The following SPAG16 variants were observed in gnomAD, a reference collection of about 807,000 sequenced individuals.
SPAG16 encodes the protein sperm associated antigen 16.
A neutral mutation model predicts 80.4 loss-of-function variants in SPAG16; 86 were observed. The observed-to-expected ratio is 1.07, with a 90% CI of 0.90 to 1.28. SPAG16 has a LOEUF of 1.28. Ranked by LOEUF, SPAG16 falls within the 50% of genes most tolerant of loss-of-function variation. The pLI, the probability that SPAG16 is intolerant of heterozygous loss-of-function variation, is 0.00. For synonymous variants in SPAG16, 294 were observed against 265.9 expected (o/e 1.11, Z -1.03); for missense variants, 870 against 765.3 (o/e 1.14, Z -1.61).
At chr2:213,911,893 A>ATG (rs2077693038) in intron 11 of SPAG16, among the ~76,000 whole-genome samples, 2 of 152,052 alleles carry the variant, frequency 1.3e-5, no homozygotes, top group Admixed American at 6.6e-5. Context: ...GAAGTTTTAA[A>ATG]AATGATTAAA....
chr2:213,793,894 T>C (rs1016403367), intron 10 of SPAG16, among the ~76,000 whole-genome samples: 1 of 152,176 alleles, frequency 6.6e-6, no homozygotes, highest in African/African-American at 2.4e-5. Flanking sequence ...GAGACACTTC[T>C]CAGTGGATTA....
At chr2:214,288,299 G>C (rs1332561847) in intron 15 of SPAG16, among the ~76,000 whole-genome samples, 1 of 151,952 alleles carries the variant, frequency 6.6e-6, no homozygotes, top group Non-Finnish European at 1.5e-5. Context: ...TAAATATACT[G>C]TATTTTTAAA....
In SPAG16 at chr2:213,490,102, GAT is replaced by G. The variant is rs2074175338; in HGVS notation, c.1070+13_1070+14del. On this transcript the variant is annotated intron_variant, in intron 10 of 15. Transcript: ENST00000331683. ...CTTCCAGTGAGCTGGTAGGATTTTTGATGTTTTATTAATACTTTTGAGATTTT... is the reference window on the plus strand; with the variant it reads ...CTTCCAGTGAGCTGGTAGGATTTTTGGTTTTATTAATACTTTTGAGATTTT... 1 of 1,565,372 alleles carries G rather than the reference GAT, an allele frequency of 6.4e-7. No homozygotes were observed. The highest frequency in any genetic ancestry group is 8.6e-7 in the Non-Finnish European group (1 of 1,161,052).
chr2:214,400,346 GCAATCACAGATTGAAC>G (rs1385214721), intron 15 of SPAG16, among the ~76,000 whole-genome samples: 10 of 151,874 alleles, frequency 6.6e-5, no homozygotes, highest in African/African-American at 2.4e-4. Context: ...TGCAGATTTT[GCAATCACAGATTGAAC>G]CAATCACAGA....
intron 10 of SPAG16, among the ~76,000 whole-genome samples, chr2:213,641,912 C>T (rs2062606303): frequency 6.6e-6 from 1 of 152,198 alleles, no homozygotes; most frequent in Admixed American, 6.5e-5. Context: ...ATAGTGTGAA[C>T]ATGTGAAGGA....
intron 5 of SPAG16, among the ~76,000 whole-genome samples, chr2:213,326,858 A>T (rs935780652): frequency 6.6e-6 from 1 of 152,016 alleles, no homozygotes; most frequent in African/African-American, 2.4e-5. Context: ...TTATTTTACC[A>T]TGGATATTCA....
At chr2:214,329,698 C>A (rs913103724) in intron 15 of SPAG16, among the ~76,000 whole-genome samples, 4 of 152,034 alleles carry the variant, frequency 2.6e-5, no homozygotes, top group Admixed American at 6.6e-5. Flanking sequence ...GCATTTTTGT[C>A]TTTTTTAAGT....
chr2:213,402,613 TCTC>T (rs2068378931), intron 9 of SPAG16, among the ~76,000 whole-genome samples: 1 of 149,476 alleles, frequency 6.7e-6, no homozygotes, highest in Non-Finnish European at 1.5e-5. Context: ...AGTGTGATGT[TCTC>T]CTTCCTGTGT....
At chr2:214,284,078 A>G (rs1693164044) in intron 15 of SPAG16, among the ~76,000 whole-genome samples, 1 of 152,162 alleles carries the variant, frequency 6.6e-6, no homozygotes, top group African/African-American at 2.4e-5. Context: ...AGCACTGTAC[A>G]TTCTTAAGTA....
At chr2:213,290,128 TTCTGAAAAGATCGAGAATATCAGGA>T (rs1249635195) in intron 1 of SPAG16, among the ~76,000 whole-genome samples, 2 of 152,218 alleles carry the variant, frequency 1.3e-5, no homozygotes, top group African/African-American at 4.8e-5. Context: ...TTTTCCCATT[TTCTGAAAAGATCGAGAATATCAGGA>T]TCTGGTGCAG....
intron 1 of SPAG16, among the ~76,000 whole-genome samples, chr2:213,295,073 T>C (rs1034173518): frequency 6.6e-6 from 1 of 152,192 alleles, no homozygotes; most frequent in Non-Finnish European, 1.5e-5. Flanking sequence ...TTTCAGCTAA[T>C]GCTTGGTAAA....
intron 15 of SPAG16, among the ~76,000 whole-genome samples, chr2:214,161,205 A>G (rs1326384066): frequency 2.6e-5 from 4 of 152,052 alleles, no homozygotes. Context: ...TCTATTATTG[A>G]TGGGCAATTA....
At chr2:213,573,223 G>C in intron 10 of SPAG16, among the ~76,000 whole-genome samples, 1 of 151,874 alleles carries the variant, frequency 6.6e-6, no homozygotes, top group Admixed American at 6.6e-5. Flanking sequence ...GGGAGCTGTA[G>C]ACCGGAGCTG....
chr2:213,434,624 G>GA (rs2070514994), intron 9 of SPAG16, among the ~76,000 whole-genome samples: 1 of 151,916 alleles, frequency 6.6e-6, no homozygotes, highest in Admixed American at 6.6e-5. Flanking sequence ...ACAATCAAAA[G>GA]AAAACCATTA....
At chr2:213,985,719 G>C (rs1021524426) in intron 12 of SPAG16, among the ~76,000 whole-genome samples, 1 of 152,086 alleles carries the variant, frequency 6.6e-6, no homozygotes, top group Non-Finnish European at 1.5e-5. Context: ...TGGGCAAAGA[G>C]AGAGGGAATA....
intron 9 of SPAG16, among the ~76,000 whole-genome samples, chr2:213,485,052 T>G (rs1173992711): frequency 1.3e-5 from 2 of 151,370 alleles, no homozygotes; most frequent in African/African-American, 4.9e-5. Context: ...TGGAGTGCAG[T>G]GGCACAATCC....
intron 15 of SPAG16, chr2:214,250,195 A>G (rs1690148405): frequency 6.6e-6 from 1 of 152,144 alleles, no homozygotes. Context: ...AGAGAGGAAC[A>G]CTCATAGACA....
intron 10 of SPAG16, among the ~76,000 whole-genome samples, chr2:213,688,960 A>C (rs1404895888): frequency 1.3e-5 from 2 of 152,082 alleles, no homozygotes; most frequent in Non-Finnish European, 2.9e-5. Context: ...GTAATGACTT[A>C]AAATGTTCTC....
At chr2:214,186,756 T>TTTGTTTTA (rs1053928064) in intron 15 of SPAG16, among the ~76,000 whole-genome samples, 1 of 151,978 alleles carries the variant, frequency 6.6e-6, no homozygotes, top group Non-Finnish European at 1.5e-5. Flanking sequence ...TAGTTGTTTT[T>TTTGTTTTA]TTGTTTTTTT....
Sources: gnomAD v4.1 joint callset for allele counts (sites outside exome capture counted in the v4.1 genomes callset) on GRCh38, gnomAD v4.1.1 for gene constraint, MANE v1.5 for transcripts, NCBI Gene and HGNC (gene_info 2026-07-23, HGNC 2026-07-21) for gene names.